The following QKI variants were observed in gnomAD, a reference collection of about 807,000 sequenced individuals.
QKI encodes the protein QKI, KH domain containing RNA binding, also known as KH domain-containing RNA-binding protein QKI.
Under a neutral mutation model 39.0 loss-of-function variants are expected in QKI, and 10 were observed. The ratio of observed to expected loss-of-function variants is 0.26; its 90% CI spans 0.16 to 0.43. The LOEUF is 0.43. Among genes scored for constraint, QKI ranks in the 20% least tolerant of loss-of-function variants. The pLI is 1.00. For synonymous variants in QKI, 204 were observed against 155.4 expected (o/e 1.31, Z -2.33); for missense variants, 218 against 428.0 (o/e 0.51, Z 4.33).
chr6:163,552,821 T>A (rs1159899761), intron 4 of QKI, among the ~76,000 whole-genome samples: 1 of 152,148 alleles, frequency 6.6e-6, no homozygotes, highest in African/African-American at 2.4e-5. Flanking sequence ...TTTATCTTGC[T>A]TTACCTTTCT....
Position 163,573,971 on chromosome 6 carries a change from C to CTG in QKI, c.*3263_*3264dup, listed in dbSNP as rs1249573674. The CTG allele has an allele frequency of 6.6e-6, 1 of 151,430 alleles. No individual in the cohort carries two copies. The highest frequency in any genetic ancestry group is 1.5e-5 in the Non-Finnish European group (1 of 67,988). The allele number at this position is 151,430 out of a possible 1,614,324, so 9.4% of individuals were successfully genotyped here. On this transcript the variant is annotated 3_prime_UTR_variant, in exon 8 of 8. Coordinates refer to ENST00000361752, the MANE Select transcript of QKI (RefSeq NM_006775.3). ...TGTCAGCTGACAGTTTTGCACACTA[C>CTG]TGTTAAAATGGCTTTGGTTATTCTG...
At chr6:163,506,476 T>C (rs897528992) in intron 3 of QKI, among the ~76,000 whole-genome samples, 2 of 152,170 alleles carry the variant, frequency 1.3e-5, no homozygotes, top group Admixed American at 6.6e-5. Flanking sequence ...GAATACCCTT[T>C]TACATCACAT....
At position 163,564,309 on chromosome 6, in the gene QKI, A is replaced by G. The variant is rs1459603608; in HGVS notation, c.934+590A>G. The G allele has an allele frequency of 3.0e-6, 3 of 1,008,830 alleles. No homozygotes were observed. The African/African-American group carries it at 5.0e-5, about 17-fold the overall frequency. The allele number at this position is 1,008,830 out of a possible 1,614,324, so 62.5% of individuals were successfully genotyped here. On this transcript the variant is annotated intron_variant, in intron 6 of 7. Coordinates refer to ENST00000361752, the MANE Select transcript of QKI (RefSeq NM_006775.3). ...GGTGTACATCATAGAGTGTACTTAC[A>G]CAGACATAGATGATATCGTTTACTA...
At chr6:163,482,329 C>A (rs535920149) in intron 3 of QKI, among the ~76,000 whole-genome samples, 1 of 152,318 alleles carries the variant, frequency 6.6e-6, no homozygotes, top group African/African-American at 2.4e-5. Context: ...ACTACCATTT[C>A]ACACACCACC....
chr6:163,521,050 A>G (rs975925379), intron 3 of QKI, among the ~76,000 whole-genome samples: 1 of 152,146 alleles, frequency 6.6e-6, no homozygotes, highest in African/African-American at 2.4e-5. Context: ...GCTGAGAAGA[A>G]TGGGTGTGTG....
intron 3 of QKI, among the ~76,000 whole-genome samples, chr6:163,516,825 A>G (rs1180827394): frequency 6.6e-5 from 10 of 152,114 alleles, no homozygotes; most frequent in Non-Finnish European, 1.0e-4. Flanking sequence ...TCTGGAATAT[A>G]TTTTAACTTA....
At chr6:163,438,359 G>GAT (rs1452548476) in intron 1 of QKI, among the ~76,000 whole-genome samples, 6 of 151,994 alleles carry the variant, frequency 3.9e-5, no homozygotes, top group Admixed American at 2.6e-4. Context: ...TAAAGAGAAA[G>GAT]ATATATATAC....
chr6:163,486,757 C>G (rs1368929138), intron 3 of QKI, among the ~76,000 whole-genome samples: 2 of 152,114 alleles, frequency 1.3e-5, no homozygotes, highest in African/African-American at 4.8e-5. Flanking sequence ...TGCATATGTA[C>G]ACGTATGGTA....
intron 1 of QKI, among the ~76,000 whole-genome samples, chr6:163,451,839 T>C (rs559541917): frequency 6.6e-6 from 1 of 152,304 alleles, no homozygotes; most frequent in South Asian, 2.1e-4. Context: ...CCTGTGAAGC[T>C]ATTACTTACA....
intron 1 of QKI, among the ~76,000 whole-genome samples, chr6:163,439,455 C>T (rs1345405352): frequency 1.4e-5 from 2 of 145,766 alleles, no homozygotes; most frequent in African/African-American, 2.5e-5. Context: ...TCAAGTGATT[C>T]TCCTGCCTCA....
In QKI at chr6:163,415,192, A is replaced by G; in HGVS notation, c.-2A>G. The stretch of plus-strand genomic sequence containing the variant: ...GGCGGAGTGAGCTGCGGAGCCTGGA[A>G]TATGGTCGGGGAAATGGAAACGAAG... On this transcript the variant is annotated 5_prime_UTR_variant, in exon 1 of 8. Coordinates refer to ENST00000361752, the MANE Select transcript of QKI (RefSeq NM_006775.3). 1.3e-6 allele frequency: 2 copies of G among 1,545,582 alleles called. No homozygotes were observed. The highest frequency in any genetic ancestry group is 8.8e-7 in the Non-Finnish European group (1 of 1,138,848).
At chr6:163,539,458 G>A (rs768083754) in intron 4 of QKI, among the ~76,000 whole-genome samples, 1 of 151,950 alleles carries the variant, frequency 6.6e-6, no homozygotes, top group Non-Finnish European at 1.5e-5. Context: ...TTGGCCTCTC[G>A]GTTCTTTTAT....
chr6:163,550,803 G>C (rs886483503), intron 4 of QKI, among the ~76,000 whole-genome samples: 1 of 151,848 alleles, frequency 6.6e-6, no homozygotes, highest in Non-Finnish European at 1.5e-5. Flanking sequence ...AAAATTAGCC[G>C]GGCATGGTGG....
intron 3 of QKI, among the ~76,000 whole-genome samples, chr6:163,489,450 G>GTGTGT (rs1777916073): frequency 7.3e-6 from 1 of 136,598 alleles, no homozygotes; most frequent in African/African-American, 2.7e-5. Flanking sequence ...GTGTGTGTGT[G>GTGTGT]TGTGTGTTGT....
intron 4 of QKI, among the ~76,000 whole-genome samples, chr6:163,555,576 C>T (rs540788082): frequency 2.0e-5 from 3 of 147,294 alleles, no homozygotes; most frequent in Non-Finnish European, 3.0e-5. Context: ...TTGAGGAACA[C>T]ATAGGATGCT....
At chr6:163,564,893 G>T (rs1369158420) in intron 6 of QKI, 1 of 1,367,594 alleles carries the variant, frequency 7.3e-7, no homozygotes, top group South Asian at 2.0e-5. Flanking sequence ...ATCTTTTAAG[G>T]TTTTTTTTCC....
intron 3 of QKI, among the ~76,000 whole-genome samples, chr6:163,503,714 A>C (rs1393914557): frequency 6.6e-6 from 1 of 151,736 alleles, no homozygotes; most frequent in African/African-American, 2.4e-5. Context: ...TTACATTTTA[A>C]TCTTTAATCT....
chr6:163,496,432 G>T (rs906948775), intron 3 of QKI, among the ~76,000 whole-genome samples: 2 of 152,142 alleles, frequency 1.3e-5, no homozygotes, highest in South Asian at 4.1e-4. Context: ...CTGGTGAGTT[G>T]CTTGGCCCCA....
chr6:163,520,524 A>G lies in QKI; in HGVS notation c.403-14458A>G, dbSNP rs540777492. ...CTATTTTTTACCTGTTTTCAAAACT[A>G]TAGAAAAAAAAAGGTGGTACGAGAT... On this transcript the variant is annotated intron_variant, in intron 3 of 7. Transcript: ENST00000361752. Among the ~76,000 whole-genome samples, 37 of 152,226 alleles carry G rather than the reference A, an allele frequency of 2.4e-4. No homozygotes were observed. In the East Asian group the frequency reaches 7.1e-3, roughly 29 times the overall value.
Sources: gnomAD v4.1 joint callset for allele counts (sites outside exome capture counted in the v4.1 genomes callset) on GRCh38, gnomAD v4.1.1 for gene constraint, MANE v1.5 for transcripts, NCBI Gene and HGNC (gene_info 2026-07-23, HGNC 2026-07-21) for gene names.